Variants in ARHGAP20 observed in about 807,000 individuals in gnomAD.
ARHGAP20 encodes Rho GTPase activating protein 20, also known as rho GTPase-activating protein 20.
In ARHGAP20, 34 loss-of-function variants were observed where a neutral mutation model predicts 73.7. The ratio of observed to expected loss-of-function variants is 0.46; its 90% CI spans 0.35 to 0.61. The LOEUF (loss-of-function observed/expected upper bound fraction) is 0.61, where lower values mean the gene tolerates loss of function less well. Ranked by LOEUF, ARHGAP20 falls within the 20% of genes least tolerant of loss-of-function variation. The pLI, the probability that ARHGAP20 is intolerant of heterozygous loss-of-function variation, is 0.00. For synonymous variants in ARHGAP20, 523 were observed against 518.2 expected, an observed-to-expected ratio of 1.01 and a Z score of -0.13; for missense variants, 1,314 against 1,420.9, an observed-to-expected ratio of 0.92 and a Z score of 1.21.
intron 12 of ARHGAP20, among the ~76,000 whole-genome samples, chr11:110,584,385 C>T (rs950454396): frequency 1.8e-3 from 3 of 1,712 alleles, no homozygotes; most frequent in Admixed American, 9.8e-3. Context: ...TACTATTATC[C>T]CAAAAAGTAC....
At chr11:110,677,636 C>T (rs1032826856) in intron 2 of ARHGAP20, among the ~76,000 whole-genome samples, 2 of 151,330 alleles carry the variant, frequency 1.3e-5, no homozygotes, top group African/African-American at 4.9e-5. Flanking sequence ...CAGAGCAAGA[C>T]TCTGTCTCAG....
At position 110,577,399 on chromosome 11, in the gene ARHGAP20, T is replaced by G; in HGVS notation, c.*1971A>C. 1 of 1,161,442 alleles carries G rather than the reference T, an allele frequency of 8.6e-7. No individual in the cohort carries two copies. The highest frequency in any genetic ancestry group is 1.1e-6 in the Non-Finnish European group (1 of 943,964). The allele number at this position is 1,161,442 out of a possible 1,614,324, so 71.9% of individuals were successfully genotyped here. On this transcript the variant is annotated 3_prime_UTR_variant, in exon 15 of 15. Transcript: ENST00000683387. Reference sequence around the variant, plus strand: ...AAGGGAACACAGATAGTAGGAATGGTTATTAAAAAACCTCAGCAACTATTT... The same window carrying G: ...AAGGGAACACAGATAGTAGGAATGGGTATTAAAAAACCTCAGCAACTATTT...
chr11:110,659,943 T>C (rs1256114910), intron 2 of ARHGAP20, among the ~76,000 whole-genome samples: 2 of 150,998 alleles, frequency 1.3e-5, no homozygotes, highest in Admixed American at 6.6e-5. Context: ...CTGGGAGATA[T>C]ACCTAATGCT....
At chr11:110,593,143 G>A (rs937492209) in intron 9 of ARHGAP20, among the ~76,000 whole-genome samples, 17 of 152,190 alleles carry the variant, frequency 1.1e-4, no homozygotes, top group Middle Eastern at 3.4e-3. Flanking sequence ...TCCATCTAGT[G>A]AGTACTCACT....
chr11:110,580,460 G>C lies in ARHGAP20; in HGVS notation c.2486C>G (p.Pro829Arg). 1 of 1,614,134 alleles carries C rather than the reference G, an allele frequency of 6.2e-7. No homozygotes were observed. The highest frequency in any genetic ancestry group is 1.1e-5 in the South Asian group (1 of 91,076). ...CTTGAGGGCATCTGCTGTGTGTGGT[G>C]GGGAGTATCCAGATGTATTCACATC... ...PFDVNTSGYSPPHTADALKGP... is the reference protein window; with the variant it reads ...PFDVNTSGYSRPHTADALKGP... Residue 829 changes from proline (P) to arginine (R), a missense_variant, in exon 15 of 15, where the codon CCA becomes CGA. By Grantham distance (103) the Pro-to-Arg change is moderately radical (BLOSUM62 -2). Coordinates refer to ENST00000683387, the MANE Select transcript of ARHGAP20 (RefSeq NM_001384657.1).
At chr11:110,685,100 G>A (rs1370309297) in intron 2 of ARHGAP20, among the ~76,000 whole-genome samples, 4 of 152,022 alleles carry the variant, frequency 2.6e-5, no homozygotes, top group African/African-American at 4.8e-5. Context: ...AAAATTATAT[G>A]AAACAATAAA....
chr11:110,657,920 G>GGAAGGAAGGA (rs1320774558), intron 2 of ARHGAP20, among the ~76,000 whole-genome samples: 1 of 134,054 alleles, frequency 7.5e-6, no homozygotes, highest in East Asian at 2.2e-4. Context: ...AAAAGAGAGA[G>GGAAGGAAGGA]AGGAAGGAAG....
At chr11:110,655,079 T>C (rs1269560667) in intron 2 of ARHGAP20, among the ~76,000 whole-genome samples, 1 of 152,198 alleles carries the variant, frequency 6.6e-6, no homozygotes, top group African/African-American at 2.4e-5. Flanking sequence ...TATATTCTTC[T>C]TTATTTAGCA....
intron 2 of ARHGAP20, among the ~76,000 whole-genome samples, chr11:110,672,093 C>T (rs1949839856): frequency 6.6e-6 from 1 of 152,058 alleles, no homozygotes; most frequent in Non-Finnish European, 1.5e-5. Context: ...TTGAGACTTT[C>T]AAGTATTCAA....
At chr11:110,686,015 A>C (rs1950125483) in intron 2 of ARHGAP20, among the ~76,000 whole-genome samples, 1 of 152,116 alleles carries the variant, frequency 6.6e-6, no homozygotes, top group Non-Finnish European at 1.5e-5. Context: ...ATATTTCTGG[A>C]GTATAATGGA....
chr11:110,699,892 A>AT (rs1361906939), intron 1 of ARHGAP20, among the ~76,000 whole-genome samples: 5 of 152,008 alleles, frequency 3.3e-5, no homozygotes, highest in Admixed American at 3.3e-4. Flanking sequence ...AATATCTGAG[A>AT]TTTTAAGGTA....
rs1213076464 is a variant in ARHGAP20, at chr11:110,687,047, T to C, written c.188+3500A>G. On this transcript the variant is annotated intron_variant, in intron 2 of 14. Coordinates refer to ENST00000683387, the MANE Select transcript of ARHGAP20 (RefSeq NM_001384657.1). ...CTGAAGATTAAAACATATATATATA[T>C]ATATATATAGACACACACACACACA... 1.6e-5 allele frequency among the ~76,000 whole-genome samples: 2 copies of C among 125,884 alleles called. 1 individual carries two copies. Among genetic ancestry groups the C allele is most frequent in the Non-Finnish European group, 3.3e-5 (2 of 59,926 alleles). 82.6% of individuals were successfully genotyped at this position (125,884 alleles called of 152,430 possible). A position where few individuals can be genotyped will look rare whatever the true frequency, so the allele number is the denominator to read the frequency against.
intron 2 of ARHGAP20, among the ~76,000 whole-genome samples, chr11:110,678,898 C>T (rs1949985145): frequency 6.6e-6 from 1 of 152,106 alleles, no homozygotes; most frequent in African/African-American, 2.4e-5. Context: ...CTCCTGAGCT[C>T]ATGCAATTCC....
At chr11:110,619,818 A>C (rs1488784218) in intron 4 of ARHGAP20, among the ~76,000 whole-genome samples, 1 of 151,990 alleles carries the variant, frequency 6.6e-6, no homozygotes, top group East Asian at 1.9e-4. Context: ...GCAGTGATAG[A>C]GTATATGCAG....
chr11:110,628,593 AT>A (rs1161566933), intron 3 of ARHGAP20, among the ~76,000 whole-genome samples: 1 of 152,198 alleles, frequency 6.6e-6, no homozygotes, highest in Non-Finnish European at 1.5e-5. Flanking sequence ...ATGTCAAAAA[AT>A]AACTTAGATC....
intron 2 of ARHGAP20, among the ~76,000 whole-genome samples, chr11:110,647,906 G>A (rs1407736043): frequency 6.6e-6 from 1 of 151,834 alleles, no homozygotes; most frequent in African/African-American, 2.4e-5. Flanking sequence ...TGCAAAGCAT[G>A]CTTTTTAAAA....
At chr11:110,607,677 C>T (rs929567180) in intron 8 of ARHGAP20, among the ~76,000 whole-genome samples, 1 of 152,084 alleles carries the variant, frequency 6.6e-6, no homozygotes, top group African/African-American at 2.4e-5. Context: ...GAGATTAAGA[C>T]AGAAAAAGGC....
rs962491233 is a variant in ARHGAP20, at chr11:110,580,797, A to G, written c.2149T>C (p.Tyr717His). ...SIDYLDSKLS[Y>H]LREFYQKKLR... ...TTTTTCTGATAAAACTCCCTGAGGTAGGAAAGCTTTGAATCCAGATAGTCG... is the reference window on the plus strand; with the variant it reads ...TTTTTCTGATAAAACTCCCTGAGGTGGGAAAGCTTTGAATCCAGATAGTCG... Residue 717 changes from tyrosine (Y) to histidine (H), a missense_variant, in exon 15 of 15, where the codon TAC (tyrosine) becomes CAC (histidine). Transcript: ENST00000683387. 20 of 1,614,000 alleles carry G rather than the reference A, an allele frequency of 1.2e-5. No homozygotes were observed. Among genetic ancestry groups the G allele is most frequent in the Non-Finnish European group, 1.6e-5 (19 of 1,180,000 alleles).
chr11:110,653,982 T>A (rs554332577), intron 2 of ARHGAP20, among the ~76,000 whole-genome samples: 1 of 152,130 alleles, frequency 6.6e-6, no homozygotes, highest in African/African-American at 2.4e-5. Context: ...TGTTCTCACT[T>A]ATAAGTGAGA....
Sources: allele counts gnomAD v4.1 joint callset (sites outside exome capture counted in the v4.1 genomes callset), GRCh38; gene constraint gnomAD v4.1.1; transcripts MANE v1.5; gene names NCBI Gene and HGNC (gene_info 2026-07-23, HGNC 2026-07-21).